GPC6: variants seen among roughly 807,000 people sequenced by gnomAD.
The protein encoded by GPC6 is glypican-6.
Under a neutral mutation model 55.2 loss-of-function variants are expected in GPC6, and 14 were observed. The observed-to-expected ratio is 0.25, with a 90% confidence interval of 0.17 to 0.40. The LOEUF (loss-of-function observed/expected upper bound fraction) is 0.40, where lower values mean the gene tolerates loss of function less well. Among genes scored for constraint, GPC6 ranks in the 10% least tolerant of loss-of-function variants. The pLI is 1.00. For synonymous variants in GPC6, 278 were observed against 259.6 expected, an observed-to-expected ratio of 1.07 and a Z score of -0.68; for missense variants, 641 against 708.5, an observed-to-expected ratio of 0.90 and a Z score of 1.08.
chr13:93,560,651 C>A (rs554489140), intron 2 of GPC6, among the ~76,000 whole-genome samples: 4 of 151,574 alleles, frequency 2.6e-5, no homozygotes, highest in Admixed American at 1.3e-4. Flanking sequence ...GTCAGGAGAT[C>A]GAGAACATCC....
chr13:93,276,733 C>G (rs979861857), intron 1 of GPC6, among the ~76,000 whole-genome samples: 11 of 152,038 alleles, frequency 7.2e-5, no homozygotes, highest in African/African-American at 2.7e-4. Flanking sequence ...TCCCTTTCCT[C>G]GGGAGTACCT....
intron 3 of GPC6, among the ~76,000 whole-genome samples, chr13:93,890,819 C>T (rs1875638288): frequency 7.3e-6 from 1 of 137,010 alleles, no homozygotes; most frequent in African/African-American, 2.8e-5. Flanking sequence ...AGATTTTTTT[C>T]CAGTGCTAAT....
chr13:93,352,719 G>A (rs956820629), intron 1 of GPC6, among the ~76,000 whole-genome samples: 1 of 152,116 alleles, frequency 6.6e-6, no homozygotes, highest in Non-Finnish European at 1.5e-5. Flanking sequence ...CGCAGATCTT[G>A]GAAGGCCTGT....
intron 1 of GPC6, among the ~76,000 whole-genome samples, chr13:93,471,236 C>T (rs112642289): frequency 4.6e-5 from 7 of 151,580 alleles, no homozygotes; most frequent in African/African-American, 7.3e-5. Context: ...GCATTTAGGC[C>T]GGGTGCAGTG....
At chr13:93,393,459 T>C (rs1206627588) in intron 1 of GPC6, among the ~76,000 whole-genome samples, 1 of 152,052 alleles carries the variant, frequency 6.6e-6, no homozygotes, top group African/African-American at 2.4e-5. Flanking sequence ...TGCTATAATT[T>C]TGTGACCCGT....
chr13:94,250,757 T>A (rs528465904), intron 4 of GPC6, among the ~76,000 whole-genome samples: 1 of 152,094 alleles, frequency 6.6e-6, no homozygotes, highest in Non-Finnish European at 1.5e-5. Context: ...GGGTTGTAGA[T>A]AAAACAAGAT....
chr13:93,334,592 A>G (rs1456409171), intron 1 of GPC6, among the ~76,000 whole-genome samples: 3 of 152,042 alleles, frequency 2.0e-5, no homozygotes, highest in African/African-American at 7.2e-5. Context: ...TCAGCCTACC[A>G]AGTAGTTGGG....
At chr13:94,254,254 C>T (rs561868041) in intron 4 of GPC6, among the ~76,000 whole-genome samples, 14 of 152,102 alleles carry the variant, frequency 9.2e-5, no homozygotes, top group Non-Finnish European at 1.6e-4. Context: ...AGCCTATGAC[C>T]TTCCATTTGC....
intron 2 of GPC6, among the ~76,000 whole-genome samples, chr13:93,555,783 T>C (rs1265743659): frequency 6.6e-6 from 1 of 152,172 alleles, no homozygotes; most frequent in Admixed American, 6.5e-5. Context: ...AATCAGTTAA[T>C]ATACAGATTG....
chr13:93,650,708 G>A (rs1169361092), intron 2 of GPC6, among the ~76,000 whole-genome samples: 1 of 152,136 alleles, frequency 6.6e-6, no homozygotes, highest in African/African-American at 2.4e-5. Flanking sequence ...TAAGCTTATT[G>A]TTTTAACATT....
intron 2 of GPC6, among the ~76,000 whole-genome samples, chr13:93,663,030 C>G (rs1015072569): frequency 1.4e-5 from 2 of 147,664 alleles, no homozygotes; most frequent in African/African-American, 5.0e-5. Flanking sequence ...TTGGTGGGAT[C>G]TATTCATTCA....
intron 2 of GPC6, among the ~76,000 whole-genome samples, chr13:93,575,647 G>T (rs769171977): frequency 3.3e-5 from 5 of 152,146 alleles, no homozygotes; most frequent in Non-Finnish European, 7.4e-5. Flanking sequence ...TCTTCTCAGT[G>T]TCTTATAAGT....
At chr13:93,244,928 C>CA (rs148206245) in intron 1 of GPC6, among the ~76,000 whole-genome samples, 23,533 of 148,556 alleles carry the variant, frequency 0.16, 2,049 homozygotes, top group Middle Eastern at 0.25. Context: ...CTGCCATCTT[C>CA]AAAAAAAAAA....
chr13:93,911,756 A>G (rs965497909), intron 3 of GPC6, among the ~76,000 whole-genome samples: 1 of 152,214 alleles, frequency 6.6e-6, no homozygotes, highest in Non-Finnish European at 1.5e-5. Flanking sequence ...TGTATCTTTC[A>G]GTGTTGTTAT....
intron 1 of GPC6, among the ~76,000 whole-genome samples, chr13:93,231,346 CATAT>C (rs1272629504): frequency 0.012 from 282 of 23,980 alleles, 1 homozygote; most frequent in African/African-American, 0.046. Flanking sequence ...TATATATATA[CATAT>C]ATATATATAC....
chr13:93,678,136 A>G (rs1392529884), intron 2 of GPC6, among the ~76,000 whole-genome samples: 3 of 152,044 alleles, frequency 2.0e-5, no homozygotes, highest in East Asian at 1.9e-4. Context: ...AATTGTATCT[A>G]TATTGTTCAC....
intron 1 of GPC6, among the ~76,000 whole-genome samples, chr13:93,253,225 A>G (rs1021746245): frequency 2.6e-5 from 4 of 152,180 alleles, no homozygotes; most frequent in African/African-American, 9.7e-5. Context: ...GATATAGAGG[A>G]AATTTAGTTT....
chr13:94,151,923 T>C lies in GPC6; in HGVS notation c.877+124029T>C, dbSNP rs186028329. On this transcript the variant is annotated intron_variant, in intron 4 of 8. Coordinates refer to ENST00000377047, the MANE Select transcript of GPC6 (RefSeq NM_005708.5). Reference sequence around the variant, plus strand: ...TGACATAATTTGTTGGCTATAGACATTCCCTTTCACTTCTTTCTTTTTCCA... The same window carrying C: ...TGACATAATTTGTTGGCTATAGACACTCCCTTTCACTTCTTTCTTTTTCCA... 6.6e-5 allele frequency among the ~76,000 whole-genome samples: 10 copies of C among 152,268 alleles called. No individual in the cohort carries two copies. The South Asian group carries it at 1.2e-3, about 19-fold the overall frequency.
intron 6 of GPC6, among the ~76,000 whole-genome samples, chr13:94,330,832 C>T (rs762783906): frequency 3.9e-5 from 6 of 151,984 alleles, no homozygotes; most frequent in Non-Finnish European, 8.8e-5. Context: ...TAGCCTATTT[C>T]AAAAAGCTCT....
Sources: allele counts gnomAD v4.1 joint callset (sites outside exome capture counted in the v4.1 genomes callset), GRCh38; gene constraint gnomAD v4.1.1; transcripts MANE v1.5; gene names NCBI Gene and HGNC (gene_info 2026-07-23, HGNC 2026-07-21).